TBC1D5: variants seen among roughly 807,000 people sequenced by gnomAD.
TBC1D5 encodes the protein TBC1 domain family member 5, also known as TBC1 domain family, member 5.
TBC1D5 carries 75 observed loss-of-function variants against 100.3 expected under a neutral mutation model. That is an observed-to-expected ratio of 0.75 (90% CI 0.62 to 0.91). The LOEUF (loss-of-function observed/expected upper bound fraction) is 0.91, where lower values mean the gene tolerates loss of function less well. Ranked by LOEUF, TBC1D5 falls within the 40% of genes least tolerant of loss-of-function variation. TBC1D5 has a pLI of 0.00. For synonymous variants in TBC1D5, 323 were observed against 325.6 expected (o/e 0.99, Z 0.09); for missense variants, 910 against 942.4 (o/e 0.97, Z 0.45).
chr3:17,476,157 T>C (rs1021147648), intron 3 of TBC1D5, among the ~76,000 whole-genome samples: 4 of 151,922 alleles, frequency 2.6e-5, no homozygotes, highest in Non-Finnish European at 4.4e-5. Flanking sequence ...TTCACTCTGT[T>C]TACAGTATCT....
chr3:17,563,927 C>T (rs1354534963), intron 2 of TBC1D5, among the ~76,000 whole-genome samples: 2 of 152,144 alleles, frequency 1.3e-5, no homozygotes, highest in African/African-American at 4.8e-5. Context: ...GGACTACAAG[C>T]GCCCGCCACC....
At chr3:17,485,047 T>C (rs1212155564) in intron 3 of TBC1D5, among the ~76,000 whole-genome samples, 1 of 152,036 alleles carries the variant, frequency 6.6e-6, no homozygotes, top group Non-Finnish European at 1.5e-5. Flanking sequence ...GAATATAAAA[T>C]CAGCACTGAG....
intron 1 of TBC1D5, among the ~76,000 whole-genome samples, chr3:17,666,324 C>T (rs959952623): frequency 6.6e-6 from 1 of 152,130 alleles, no homozygotes; most frequent in African/African-American, 2.4e-5. Flanking sequence ...AATTATTTAT[C>T]TCCCAAAACT....
chr3:17,594,084 G>A (rs1315934610), intron 2 of TBC1D5, among the ~76,000 whole-genome samples: 4 of 152,138 alleles, frequency 2.6e-5, no homozygotes, highest in African/African-American at 9.7e-5. Context: ...GATGGCACCA[G>A]GAGACACAAC....
At chr3:17,559,808 C>A (rs985187652) in intron 2 of TBC1D5, among the ~76,000 whole-genome samples, 4 of 151,982 alleles carry the variant, frequency 2.6e-5, no homozygotes, top group Admixed American at 2.6e-4. Flanking sequence ...CCAGGCTGGT[C>A]TCGAACTCCT....
chr3:17,720,672 T>C (rs1438299549), intron 1 of TBC1D5, among the ~76,000 whole-genome samples: 1 of 152,050 alleles, frequency 6.6e-6, no homozygotes, highest in East Asian at 1.9e-4. Flanking sequence ...TAGCTGGGCA[T>C]GGTAGCACAT....
chr3:17,213,019 T>G (rs1461144278), intron 18 of TBC1D5, among the ~76,000 whole-genome samples: 1 of 152,188 alleles, frequency 6.6e-6, no homozygotes, highest in African/African-American at 2.4e-5. Context: ...CACTGCTCAC[T>G]CACTCACTCG....
chr3:17,502,487 T>C (rs2095798512), intron 3 of TBC1D5, among the ~76,000 whole-genome samples: 1 of 149,344 alleles, frequency 6.7e-6, no homozygotes, highest in Non-Finnish European at 1.5e-5. Flanking sequence ...GGCCTTTAAA[T>C]GACTTTCCTT....
chr3:17,546,238 A>C (rs1403283177), intron 2 of TBC1D5, among the ~76,000 whole-genome samples: 1 of 152,178 alleles, frequency 6.6e-6, no homozygotes, highest in Non-Finnish European at 1.5e-5. Context: ...GCTATCATGG[A>C]AACACTATCA....
intron 2 of TBC1D5, among the ~76,000 whole-genome samples, chr3:17,570,396 A>C (rs768628096): frequency 6.6e-6 from 1 of 152,016 alleles, no homozygotes; most frequent in Non-Finnish European, 1.5e-5. Flanking sequence ...CTCACAGATT[A>C]AGTAACTTGC....
intron 1 of TBC1D5, among the ~76,000 whole-genome samples, chr3:17,635,268 C>T (rs2063809669): frequency 6.6e-6 from 1 of 152,152 alleles, no homozygotes; most frequent in Non-Finnish European, 1.5e-5. Context: ...AAGTAGGTGT[C>T]AAACACATTA....
chr3:17,589,543 G>A (rs774617552), intron 2 of TBC1D5, among the ~76,000 whole-genome samples: 9 of 152,116 alleles, frequency 5.9e-5, no homozygotes, highest in South Asian at 2.1e-4. Flanking sequence ...CTTGTCTGCC[G>A]CCCTGTGAGA....
At chr3:17,396,096 C>A (rs768081739) in intron 8 of TBC1D5, among the ~76,000 whole-genome samples, 1 of 152,020 alleles carries the variant, frequency 6.6e-6, no homozygotes, top group Admixed American at 6.6e-5. Flanking sequence ...TCTTAGAGAG[C>A]GGCTTGTGTT....
At chr3:17,612,262 T>C (rs1040131469) in intron 2 of TBC1D5, among the ~76,000 whole-genome samples, 1 of 147,656 alleles carries the variant, frequency 6.8e-6, no homozygotes, top group African/African-American at 2.5e-5. Flanking sequence ...ATTGTGCCAC[T>C]GTACTCCAGC....
At position 17,399,037 on chromosome 3, in the gene TBC1D5, C is replaced by T. The variant is rs574085540; in HGVS notation, c.509+4144G>A. Among the ~76,000 whole-genome samples, 450 of 152,130 alleles carry T rather than the reference C, an allele frequency of 3.0e-3. 4 individuals carry two copies. Among genetic ancestry groups the T allele is most frequent in the African/African-American group, 9.9e-3 (411 of 41,502 alleles). On this transcript the variant is annotated intron_variant, in intron 8 of 21. Transcript: ENST00000253692. ...GAATGGTTAGCTGTTAGGAATCTAA[C>T]AGGAAGCAGAGGGAAGCAGCATTCC...
At chr3:17,549,404 G>A (rs1017698278) in intron 2 of TBC1D5, among the ~76,000 whole-genome samples, 1 of 152,108 alleles carries the variant, frequency 6.6e-6, no homozygotes, top group Non-Finnish European at 1.5e-5. Flanking sequence ...GTTCAGTGAT[G>A]TACACTACTA....
intron 3 of TBC1D5, among the ~76,000 whole-genome samples, chr3:17,448,627 C>T (rs1444255198): frequency 6.6e-6 from 1 of 152,170 alleles, no homozygotes; most frequent in Non-Finnish European, 1.5e-5. Flanking sequence ...TGACCAGGTG[C>T]CTTATCAAAG....
At chr3:17,268,943 G>A (rs2079096997) in intron 15 of TBC1D5, among the ~76,000 whole-genome samples, 1 of 152,008 alleles carries the variant, frequency 6.6e-6, no homozygotes. Context: ...TATGTTCGGG[G>A]TAGTAGTCAA....
chr3:17,402,948 A>C (rs1211230524), intron 8 of TBC1D5, among the ~76,000 whole-genome samples: 1 of 152,124 alleles, frequency 6.6e-6, no homozygotes, highest in East Asian at 1.9e-4. Flanking sequence ...ATATTATTGA[A>C]GATTATCAAT....
Sources: allele counts gnomAD v4.1 joint callset (sites outside exome capture counted in the v4.1 genomes callset), GRCh38; gene constraint gnomAD v4.1.1; transcripts MANE v1.5; gene names NCBI Gene and HGNC (gene_info 2026-07-23, HGNC 2026-07-21).